RABGAP1L: variants seen among roughly 807,000 people sequenced by gnomAD.
RABGAP1L encodes rab GTPase-activating protein 1-like.
A neutral mutation model predicts 137.7 loss-of-function variants in RABGAP1L; 63 were observed. That is an observed-to-expected ratio of 0.46 (90% CI 0.37 to 0.56). RABGAP1L has a LOEUF of 0.56. Among genes scored for constraint, RABGAP1L ranks in the 20% least tolerant of loss-of-function variants. The probability of loss-of-function intolerance (pLI) is 0.00; values close to 1 mark genes in which losing one functional copy is unlikely to be tolerated. For synonymous variants in RABGAP1L, 431 were observed against 433.7 expected, an observed-to-expected ratio of 0.99 and a Z score of 0.08; for missense variants, 1,095 against 1,244.0, an observed-to-expected ratio of 0.88 and a Z score of 1.80.
chr1:174,680,869 A>C (rs1390562688), intron 14 of RABGAP1L, among the ~76,000 whole-genome samples: 2 of 152,144 alleles, frequency 1.3e-5, no homozygotes, highest in African/African-American at 4.8e-5. Flanking sequence ...CCTGGGTGTC[A>C]GAGCCAGACC....
At chr1:174,458,687 A>C (rs1656318384) in intron 13 of RABGAP1L, among the ~76,000 whole-genome samples, 1 of 152,142 alleles carries the variant, frequency 6.6e-6, no homozygotes, top group Non-Finnish European at 1.5e-5. Context: ...TTGCATATCA[A>C]ACTTAGTGTC....
chr1:174,197,405 C>CT (rs11421233), intron 1 of RABGAP1L, among the ~76,000 whole-genome samples: 44,483 of 151,684 alleles, frequency 0.29, 6,877 homozygotes, highest in African/African-American at 0.37. Context: ...CGATCTTAAT[C>CT]ATGATGGTCA....
chr1:174,510,256 CAT>C (rs1163710446), intron 13 of RABGAP1L, among the ~76,000 whole-genome samples: 1 of 152,072 alleles, frequency 6.6e-6, no homozygotes, highest in Non-Finnish European at 1.5e-5. Flanking sequence ...ATTTTCCATC[CAT>C]ATGTCTTTTC....
At chr1:174,507,003 TG>T (rs1266184184) in intron 13 of RABGAP1L, among the ~76,000 whole-genome samples, 1 of 152,026 alleles carries the variant, frequency 6.6e-6, no homozygotes, top group Admixed American at 6.6e-5. Flanking sequence ...CCCAGCTACT[TG>T]GGGGGCTGAG....
At chr1:174,852,352 CTG>C (rs1648514397) in intron 19 of RABGAP1L, among the ~76,000 whole-genome samples, 1 of 152,198 alleles carries the variant, frequency 6.6e-6, no homozygotes, top group Non-Finnish European at 1.5e-5. Flanking sequence ...TGCAATAAGA[CTG>C]TGACTCTCTG....
chr1:174,429,606 G>C (rs540997890), intron 13 of RABGAP1L, among the ~76,000 whole-genome samples: 1 of 152,106 alleles, frequency 6.6e-6, no homozygotes, highest in Non-Finnish European at 1.5e-5. Flanking sequence ...AGACATGGTG[G>C]TGGGCACCTG....
At chr1:174,926,973 T>A (rs950513152) in intron 19 of RABGAP1L, among the ~76,000 whole-genome samples, 3 of 151,710 alleles carry the variant, frequency 2.0e-5, no homozygotes, top group African/African-American at 4.9e-5. Context: ...CTCCAGAGGC[T>A]GAGGCAGAAG....
intron 13 of RABGAP1L, among the ~76,000 whole-genome samples, chr1:174,509,846 T>G (rs998829385): frequency 6.6e-6 from 1 of 152,242 alleles, no homozygotes; most frequent in Admixed American, 6.5e-5. Context: ...CAGTCACTTT[T>G]GAACAACTTG....
intron 19 of RABGAP1L, among the ~76,000 whole-genome samples, chr1:174,948,366 C>G (rs1429705667): frequency 2.0e-5 from 3 of 151,570 alleles, no homozygotes; most frequent in Non-Finnish European, 4.4e-5. Context: ...ACAAAAAATA[C>G]AAAAAATTAG....
intron 12 of RABGAP1L, among the ~76,000 whole-genome samples, chr1:174,372,409 C>CG (rs1040362938): frequency 2.6e-5 from 4 of 151,780 alleles, no homozygotes; most frequent in East Asian, 1.9e-4. Context: ...CTTTTTTCGG[C>CG]GGGGGGATGT....
chr1:174,244,976 A>G (rs1202196081), intron 5 of RABGAP1L: 1 of 152,196 alleles, frequency 6.6e-6, no homozygotes, highest in Admixed American at 6.5e-5. Context: ...ATAAATATCA[A>G]GGGCATCATT....
At chr1:174,894,796 G>A (rs951093631) in intron 19 of RABGAP1L, among the ~76,000 whole-genome samples, 8 of 151,960 alleles carry the variant, frequency 5.3e-5, no homozygotes, top group African/African-American at 1.5e-4. Context: ...TTGCTCTGTC[G>A]CCCTGGCTGT....
intron 19 of RABGAP1L, among the ~76,000 whole-genome samples, chr1:174,833,468 A>ATATATATATATATATATATATATATATAT (rs1279866308): frequency 2.9e-4 from 31 of 107,302 alleles, no homozygotes; most frequent in Non-Finnish European, 4.5e-4. Context: ...ATATATATAT[A>ATATATATATATATATATATATATATATAT]GTAGAGACAG....
At chr1:174,950,473 C>T (rs1008722997) in intron 19 of RABGAP1L, among the ~76,000 whole-genome samples, 4 of 152,124 alleles carry the variant, frequency 2.6e-5, no homozygotes, top group Non-Finnish European at 5.9e-5. Context: ...CGTGTTCCTC[C>T]TCTTGATGGA....
At chr1:174,256,930 C>T (rs1330090722) in intron 7 of RABGAP1L, among the ~76,000 whole-genome samples, 1 of 152,086 alleles carries the variant, frequency 6.6e-6, no homozygotes, top group African/African-American at 2.4e-5. Flanking sequence ...TCAACTCTTG[C>T]CTTCTCTCTA....
At chr1:174,962,742 T>A (rs1574022289) in intron 20 of RABGAP1L, among the ~76,000 whole-genome samples, 1 of 152,018 alleles carries the variant, frequency 6.6e-6, no homozygotes, top group Non-Finnish European at 1.5e-5. Context: ...GTAGACTTTT[T>A]AAAAAAACTG....
chr1:174,717,379 A>G (rs1681105722), intron 17 of RABGAP1L, among the ~76,000 whole-genome samples: 1 of 152,194 alleles, frequency 6.6e-6, no homozygotes, highest in Non-Finnish European at 1.5e-5. Flanking sequence ...ACTGTACTCC[A>G]GCCTGGGCAA....
rs1030675252 is a variant in RABGAP1L, at chr1:174,883,736, C to T, written c.2340+71776C>T. 4.6e-5 allele frequency among the ~76,000 whole-genome samples: 7 copies of T among 152,172 alleles called. No homozygotes were observed. The East Asian group carries it at 5.8e-4, about 13-fold the overall frequency. On this transcript the variant is annotated intron_variant, in intron 19 of 25. Coordinates refer to ENST00000681986, the MANE Select transcript of RABGAP1L (RefSeq NM_001366446.1). ...AAAAAAATTGTAAAGGACATTAGAG[C>T]AATGCAAGTAAAAAGAGATGACAAG...
intron 22 of RABGAP1L, among the ~76,000 whole-genome samples, chr1:174,976,935 A>G (rs989456257): frequency 1.5e-4 from 23 of 152,250 alleles, no homozygotes; most frequent in Non-Finnish European, 3.2e-4. Context: ...GACACAGATT[A>G]GATTATGAGT....
Sources: allele counts gnomAD v4.1 joint callset (sites outside exome capture counted in the v4.1 genomes callset), GRCh38; gene constraint gnomAD v4.1.1; transcripts MANE v1.5; gene names NCBI Gene and HGNC (gene_info 2026-07-23, HGNC 2026-07-21).